SEZ6L2: variants seen among roughly 807,000 people sequenced by gnomAD.
SEZ6L2 encodes seizure 6-like protein 2.
SEZ6L2 carries 44 observed loss-of-function variants against 97.0 expected under a neutral mutation model. That is an observed-to-expected ratio of 0.45 (90% CI 0.36 to 0.58). The LOEUF is 0.58. Ranked by LOEUF, SEZ6L2 falls within the 20% of genes least tolerant of loss-of-function variation. The pLI is 0.00. For missense variants in SEZ6L2, 1,086 were observed against 1,233.3 expected (o/e 0.88, Z 1.79); for synonymous variants, 543 against 546.1 (o/e 0.99, Z 0.08).
At chr16:29,889,097 G>A (rs2068212682) in intron 5 of SEZ6L2, among the ~76,000 whole-genome samples, 2 of 152,188 alleles carry the variant, frequency 1.3e-5, no homozygotes, top group African/African-American at 4.8e-5. Context: ...TGCAGAGCTT[G>A]TTCAGCTCCC....
At position 29,873,802 on chromosome 16, in the gene SEZ6L2, C is replaced by G; in HGVS notation, c.2105-73G>C. On this transcript the variant is annotated intron_variant, in intron 12 of 17. Coordinates refer to ENST00000617533, the MANE Select transcript of SEZ6L2 (RefSeq NM_001243332.2). The surrounding 1 kb of genome is among the most constrained non-coding windows in gnomAD (Gnocchi z 4.3). ...CAGCCTGGGCAACACAGAGAGACCC[C>G]ATCTCTACAAAAAATTGAAAAATTA... The G allele has an allele frequency of 7.3e-7, 1 of 1,367,272 alleles. No homozygotes were observed. The allele number at this position is 1,367,272 out of a possible 1,614,324, so 84.7% of individuals were successfully genotyped here.
intron 8 of SEZ6L2, among the ~76,000 whole-genome samples, chr16:29,881,620 C>CTTTTTTTTTTTTTTTTTTTTTTTTTTT (rs59318540): frequency 1.2e-5 from 1 of 85,120 alleles, no homozygotes; most frequent in African/African-American, 5.2e-5. Flanking sequence ...ATGAGGAATT[C>CTTTTTTTTTTTTTTTTTTTTTTTTTTT]TTTTTTTTTT....
Position 29,885,659 on chromosome 16 carries a change from G to A in SEZ6L2, c.1299C>T (p.Asp433=). ...DDVPERGLIS[D]AQSLYVELLS... is the part of the protein sequence containing the mutation. ...GCAGCTCCACGTAGAGGGACTGGGC[G>A]TCACTGATGAGACCCCGCTCGGGGA... is the stretch of plus-strand genomic sequence containing the variant. The change falls in exon 8 of 18, where the codon GAC becomes GAT. Residue 433 remains aspartate, a synonymous_variant. Transcript: ENST00000617533. 1 of 1,614,028 alleles carries A rather than the reference G, an allele frequency of 6.2e-7. No homozygotes were observed. The highest frequency in any genetic ancestry group is 1.1e-5 in the South Asian group (1 of 91,086).
chr16:29,873,842 C>T lies in SEZ6L2; in HGVS notation c.2105-113G>A, dbSNP rs972798249. ...TTGAAAAATTAGCCAGGAGTGGTGG[C>T]GCACTCCTGTGGTTCCAGCTACTCA... is the stretch of plus-strand genomic sequence containing the variant. On this transcript the variant is annotated intron_variant, in intron 12 of 17. Coordinates refer to ENST00000617533, the MANE Select transcript of SEZ6L2 (RefSeq NM_001243332.2). The surrounding 1 kb of genome is among the most constrained non-coding windows in gnomAD (Gnocchi z 4.3). 2.3e-5 allele frequency: 21 copies of T among 928,806 alleles called. No individual in the cohort carries two copies. Among genetic ancestry groups the T allele is most frequent in the African/African-American group, 5.0e-5 (3 of 59,880 alleles). The allele number at this position is 928,806 out of a possible 1,614,324, so 57.5% of individuals were successfully genotyped here. A position where few individuals can be genotyped will look rare whatever the true frequency, so the allele number is the denominator to read the frequency against.
At chr16:29,884,045 C>T (rs2068080674) in intron 8 of SEZ6L2, among the ~76,000 whole-genome samples, 1 of 152,146 alleles carries the variant, frequency 6.6e-6, no homozygotes, top group African/African-American at 2.4e-5. Context: ...TCCTCTTCTT[C>T]TGGTAACGGC....
intron 7 of SEZ6L2, 144 bp downstream of exon 7, chr16:29,887,505 G>A: frequency 1.6e-6 from 1 of 622,406 alleles, no homozygotes; most frequent in African/African-American, 1.9e-5. Context: ...GTAGAGATGG[G>A]GTTTCACCGT....
At position 29,876,861 on chromosome 16, in the gene SEZ6L2, C is replaced by T; in HGVS notation, c.1999G>A (p.Val667Met). The change falls in exon 12 of 18, where the codon GTG (valine) becomes ATG (methionine). Residue 667 changes from valine (V) to methionine (M), a missense_variant. Val to Met is a conservative substitution (Grantham distance 21). Transcript: ENST00000617533. This position sits in a 1 kb window ranked among gnomAD's most constrained non-coding sequence, Gnocchi z 6.5. ...ASHGDLIRGT[V>M]LTYQCEPGYE... Reference sequence around the variant, plus strand: ...CCAGGCTCGCACTGGTAGGTGAGCACCGTGCCCCGGATCAGGTCCCCGTGG... The same window carrying T: ...CCAGGCTCGCACTGGTAGGTGAGCATCGTGCCCCGGATCAGGTCCCCGTGG... The T allele has an allele frequency of 1.2e-6, 2 of 1,613,272 alleles. No homozygotes were observed. The highest frequency in any genetic ancestry group is 1.7e-6 in the Non-Finnish European group (2 of 1,179,704).
chr16:29,879,247 C>T (rs755186809), intron 9 of SEZ6L2, among the ~76,000 whole-genome samples: 2 of 148,904 alleles, frequency 1.3e-5, no homozygotes, highest in Non-Finnish European at 3.0e-5. Flanking sequence ...TTTTTTGAGA[C>T]GGAGTTTCAC....
intron 12 of SEZ6L2, among the ~76,000 whole-genome samples, chr16:29,874,903 C>G (rs964411581): frequency 1.3e-5 from 2 of 151,848 alleles, no homozygotes; most frequent in African/African-American, 4.8e-5. Context: ...GAGACGAGAA[C>G]TTGCTCTGTC....
chr16:29,873,751 CA>C lies in SEZ6L2; in HGVS notation c.2105-23del, dbSNP rs778097760. On this transcript the variant is annotated intron_variant, in intron 12 of 17. Coordinates refer to ENST00000617533, the MANE Select transcript of SEZ6L2 (RefSeq NM_001243332.2). This position sits in a 1 kb window ranked among gnomAD's most constrained non-coding sequence, Gnocchi z 4.3. ...ATGACTGGTGGCAGAAGAACAAGGT[CA>C]GGGGGAGCGAGGGCCTTCAAAGATC... The C allele has an allele frequency of 7.7e-6, 12 of 1,548,568 alleles. No homozygotes were observed. The highest frequency in any genetic ancestry group is 2.3e-5 in the East Asian group (1 of 44,336).
rs2067846103 is a variant in SEZ6L2 at position 29,873,986 on chromosome 16, G to T, written c.2105-257C>A. 6.6e-6 allele frequency among the ~76,000 whole-genome samples: 1 copy of T among 151,930 alleles called. No homozygotes were observed. Among genetic ancestry groups the T allele is most frequent in the Non-Finnish European group, 1.5e-5 (1 of 67,968 alleles). ...GAGACCCAGTCTAAAAAAAATAAAA[G>T]AAAATCTCCCAGAAGCTTAGGGCTG... On this transcript the variant is annotated intron_variant, in intron 12 of 17. Transcript: ENST00000617533. This position sits in a 1 kb window ranked among gnomAD's most constrained non-coding sequence, Gnocchi z 4.3.
rs1245153915 is a variant in SEZ6L2, at chr16:29,895,364, T to C, written c.748A>G (p.Met250Val). The stretch of plus-strand genomic sequence containing the variant: ...CGAAGGACTTGTCCTTCTCCAAGCA[T>C]GGATGAGTTGGCCAGGAGTCGGGGG... Reference protein sequence around the residue: ...LAPRLLANSSMLGEGQVLRSP... With the variant: ...LAPRLLANSSVLGEGQVLRSP... Residue 250 changes from methionine (M) to valine (V), a missense_variant, in exon 5 of 18, where the codon ATG becomes GTG. Physicochemically the swap from Met to Val is conservative, Grantham distance 21 (BLOSUM62 1). Transcript: ENST00000617533. 2 of 1,614,012 alleles carry C rather than the reference T, an allele frequency of 1.2e-6. No individual in the cohort carries two copies. Among genetic ancestry groups the C allele is most frequent in the Non-Finnish European group, 1.7e-6 (2 of 1,180,000 alleles).
Position 29,897,983 on chromosome 16 carries a change from AC to A in SEZ6L2, c.80del (p.Gly27ValfsTer4). ...ATATCTCCTCCTCCTTCAGGGGCAG[AC>A]CTAGGAGGTGAAGTTGTGTGAGCTT... ...LILLSCPWIQ[G>X]LPLKEEEILP... On this transcript the variant is annotated frameshift_variant and splice_region_variant, in exon 2 of 18. Transcript: ENST00000617533. LOFTEE classifies it high-confidence loss of function. 1 of 1,612,900 alleles carries A rather than the reference AC, an allele frequency of 6.2e-7. No individual in the cohort carries two copies. Among genetic ancestry groups the A allele is most frequent in the Non-Finnish European group, 8.5e-7 (1 of 1,179,420 alleles).
chr16:29,875,665 C>CTTTCT (rs1173455681), intron 12 of SEZ6L2, among the ~76,000 whole-genome samples: 2 of 121,032 alleles, frequency 1.7e-5, no homozygotes, highest in Non-Finnish European at 3.2e-5. Context: ...TTCTTTCTTT[C>CTTTCT]TTTTTTTTTT....
chr16:29,888,736 C>T lies in SEZ6L2; in HGVS notation c.854-11G>A, dbSNP rs1301730358. 2 of 1,605,452 alleles carry T rather than the reference C, an allele frequency of 1.2e-6. No individual in the cohort carries two copies. Among genetic ancestry groups the T allele is most frequent in the South Asian group, 1.1e-5 (1 of 90,412 alleles). Reference sequence around the variant, plus strand: ...AGCTCAGGAGGTAGGCTGCACCAGACAGACAGCGGGTAGCAGGGCTCACTT... The same window carrying T: ...AGCTCAGGAGGTAGGCTGCACCAGATAGACAGCGGGTAGCAGGGCTCACTT... On this transcript the variant is annotated splice_polypyrimidine_tract_variant and intron_variant, in intron 5 of 17. Transcript: ENST00000617533.
chr16:29,880,158 C>A, intron 8 of SEZ6L2, 94 bp from the exon 9 acceptor site: 1 of 1,190,606 alleles, frequency 8.4e-7, no homozygotes. Context: ...GTTCTTTGGC[C>A]ACTCACTGGG....
chr16:29,887,468 T>C (rs1031686116), intron 7 of SEZ6L2, among the ~76,000 whole-genome samples, 181 bp downstream of exon 7: 1 of 109,064 alleles, frequency 9.2e-6, no homozygotes, highest in African/African-American at 5.9e-5. Context: ...GCCCGGCTAA[T>C]TTTTTTTTTT....
In SEZ6L2 at chr16:29,877,351, G is replaced by A; in HGVS notation, c.1829C>T (p.Pro610Leu). ...TGCCTGAAACTGCAGTGTGAGGTCG[G>A]GCCCAGAGGAGAGAAGGCGGCGGCG... ...QPRRRLLSSG[P>L]DLTLQFQAPP... Residue 610 changes from proline (P) to leucine (L), a missense_variant, in exon 11 of 18, where the codon CCC becomes CTC. Pro to Leu is a moderately conservative substitution (Grantham distance 98). Around this residue, in one of 2 missense-constraint regions of SEZ6L2, gnomAD observed 310 missense variants for 438.6 expected, o/e 0.71. Transcript: ENST00000617533. 2 of 1,613,120 alleles carry A rather than the reference G, an allele frequency of 1.2e-6. No homozygotes were observed. The highest frequency in any genetic ancestry group is 1.7e-6 in the Non-Finnish European group (2 of 1,179,658).
intron 5 of SEZ6L2, among the ~76,000 whole-genome samples, chr16:29,894,829 C>T (rs1209658483): frequency 2.0e-5 from 3 of 151,984 alleles, no homozygotes; most frequent in East Asian, 1.9e-4. Flanking sequence ...CCCCCAGGGT[C>T]GCAGTCAGGA....
Sources: allele counts gnomAD v4.1 joint callset (sites outside exome capture counted in the v4.1 genomes callset), GRCh38; gene constraint gnomAD v4.1.1; regional missense constraint gnomAD v4.1.1; non-coding constraint Gnocchi (gnomAD v3.1); transcripts MANE v1.5; gene names NCBI Gene and HGNC (gene_info 2026-07-23, HGNC 2026-07-21).